Variants in CRISPLD2 observed in about 807,000 individuals in gnomAD.
CRISPLD2 encodes cysteine rich secretory protein LCCL domain containing 2, also known as cysteine-rich secretory protein LCCL domain-containing 2.
Under a neutral mutation model 71.1 loss-of-function variants are expected in CRISPLD2, and 47 were observed. The ratio of observed to expected loss-of-function variants is 0.66; its 90% CI spans 0.52 to 0.84. CRISPLD2 has a LOEUF of 0.84. Among genes scored for constraint, CRISPLD2 ranks in the 40% least tolerant of loss-of-function variants. The probability of loss-of-function intolerance (pLI) is 0.00; values close to 1 mark genes in which losing one functional copy is unlikely to be tolerated. For synonymous variants in CRISPLD2, 317 were observed against 250.1 expected (o/e 1.27, Z -2.52); for missense variants, 830 against 651.1 (o/e 1.27, Z -2.99).
intron 2 of CRISPLD2, among the ~76,000 whole-genome samples, chr16:84,842,632 C>T (rs1025130279): frequency 6.6e-6 from 1 of 152,058 alleles, no homozygotes; most frequent in Non-Finnish European, 1.5e-5. Flanking sequence ...CCTCAGCCTC[C>T]CAAAGTGCTG....
chr16:84,850,114 G>A (rs1222548002), intron 4 of CRISPLD2, among the ~76,000 whole-genome samples: 7 of 149,858 alleles, frequency 4.7e-5, no homozygotes, highest in Admixed American at 1.3e-4. Flanking sequence ...TTTTTGAAAC[G>A]GAGTCTCCCT....
chr16:84,853,460 G>A (rs961292537), intron 5 of CRISPLD2, among the ~76,000 whole-genome samples: 4 of 152,192 alleles, frequency 2.6e-5, no homozygotes, highest in East Asian at 1.9e-4. Context: ...CTGTGTGCAC[G>A]TCATAACAGT....
At chr16:84,860,775 G>C (rs1384676018) in intron 6 of CRISPLD2, among the ~76,000 whole-genome samples, 3 of 152,214 alleles carry the variant, frequency 2.0e-5, no homozygotes, top group African/African-American at 7.2e-5. Flanking sequence ...CGAGGTGTCT[G>C]TGCATGCACC....
At chr16:84,848,670 A>C (rs1432238236) in intron 3 of CRISPLD2, among the ~76,000 whole-genome samples, 1 of 152,036 alleles carries the variant, frequency 6.6e-6, no homozygotes, top group African/African-American at 2.4e-5. Flanking sequence ...CCAACTCCTG[A>C]CCTCAGGTGA....
intron 6 of CRISPLD2, among the ~76,000 whole-genome samples, chr16:84,866,265 C>G (rs529677248): frequency 6.8e-6 from 1 of 147,238 alleles, no homozygotes; most frequent in Non-Finnish European, 1.5e-5. Context: ...TGGAGTTTCG[C>G]TCTTGTCACA....
intron 1 of CRISPLD2, among the ~76,000 whole-genome samples, chr16:84,825,050 G>A (rs1017493604): frequency 6.6e-6 from 1 of 152,196 alleles, no homozygotes; most frequent in East Asian, 1.9e-4. Flanking sequence ...GTTGCAGTGA[G>A]CCGAGATCAC....
intron 6 of CRISPLD2, 112 bp from the exon 7 acceptor site, chr16:84,866,785 T>C: frequency 1.9e-6 from 2 of 1,044,360 alleles, no homozygotes; most frequent in Non-Finnish European, 1.4e-6. Flanking sequence ...AATGATTCTT[T>C]GTAAAACCAA....
intron 2 of CRISPLD2, chr16:84,842,249 C>T (rs1054597147): frequency 6.6e-6 from 1 of 151,928 alleles, no homozygotes; most frequent in Non-Finnish European, 1.5e-5. Flanking sequence ...TCGTGCCACG[C>T]TCCCCTCCTC....
chr16:84,843,484 C>A (rs2143191025), intron 2 of CRISPLD2, among the ~76,000 whole-genome samples: 1 of 152,342 alleles, frequency 6.6e-6, no homozygotes, highest in Admixed American at 6.5e-5. Context: ...GCTCTGGAGC[C>A]AGCCTGCCTC....
intron 6 of CRISPLD2, among the ~76,000 whole-genome samples, chr16:84,860,674 C>T (rs1019670016): frequency 6.6e-6 from 1 of 152,222 alleles, no homozygotes; most frequent in Non-Finnish European, 1.5e-5. Context: ...TCAGCATTTA[C>T]AAGCTCAGTG....
intron 7 of CRISPLD2, among the ~76,000 whole-genome samples, chr16:84,868,500 A>C (rs1264966664): frequency 6.6e-6 from 1 of 152,178 alleles, no homozygotes; most frequent in Non-Finnish European, 1.5e-5. Flanking sequence ...CTGTGGGACC[A>C]CAGGCACATC....
chr16:84,837,506 T>C (rs1916651391), intron 1 of CRISPLD2, among the ~76,000 whole-genome samples: 1 of 147,936 alleles, frequency 6.8e-6, no homozygotes, highest in Admixed American at 6.9e-5. Flanking sequence ...AAGCTCCGCC[T>C]CCCGGGTTCA....
At chr16:84,866,114 G>A (rs553702092) in intron 6 of CRISPLD2, among the ~76,000 whole-genome samples, 4 of 152,242 alleles carry the variant, frequency 2.6e-5, no homozygotes, top group African/African-American at 9.6e-5. Flanking sequence ...ACTGAGGCTG[G>A]CCTTGTGCAC....
chr16:84,898,453 C>A (rs1276702782), intron 14 of CRISPLD2, among the ~76,000 whole-genome samples: 1 of 152,130 alleles, frequency 6.6e-6, no homozygotes, highest in African/African-American at 2.4e-5. Flanking sequence ...ATCATGCACA[C>A]CTCAGTGCTT....
chr16:84,874,514 GATCATAGCTGCCCAC>G (rs2071501861), intron 11 of CRISPLD2, among the ~76,000 whole-genome samples: 1 of 152,204 alleles, frequency 6.6e-6, no homozygotes. Context: ...TGAAGGGATG[GATCATAGCTGCCCAC>G]ACTGTGCCCT....
intron 14 of CRISPLD2, among the ~76,000 whole-genome samples, chr16:84,896,531 T>C (rs1364812130): frequency 6.6e-6 from 1 of 152,224 alleles, no homozygotes; most frequent in African/African-American, 2.4e-5. Flanking sequence ...TGCATTTTGA[T>C]TGAAAATTCT....
intron 3 of CRISPLD2, among the ~76,000 whole-genome samples, chr16:84,848,558 G>A (rs927457902): frequency 1.3e-5 from 2 of 151,986 alleles, no homozygotes; most frequent in African/African-American, 2.4e-5. Flanking sequence ...CCAGGGACAG[G>A]TGCAGCTGGT....
chr16:84,902,125 TG>T (rs1057063824), intron 14 of CRISPLD2, among the ~76,000 whole-genome samples: 6 of 152,016 alleles, frequency 3.9e-5, no homozygotes, highest in African/African-American at 1.4e-4. Context: ...AACAACGCTT[TG>T]GGGTCTACAA....
chr16:84,835,130 T>A (rs4782664), intron 1 of CRISPLD2, among the ~76,000 whole-genome samples: 37,181 of 151,906 alleles, frequency 0.24, 4,741 homozygotes, highest in Middle Eastern at 0.38. Flanking sequence ...TGCTCTTGTC[T>A]CCCAGGCTAG....
Sources: gnomAD v4.1 joint callset for allele counts (sites outside exome capture counted in the v4.1 genomes callset) on GRCh38, gnomAD v4.1.1 for gene constraint, MANE v1.5 for transcripts, NCBI Gene and HGNC (gene_info 2026-07-23, HGNC 2026-07-21) for gene names.